SNX2: variants seen among roughly 807,000 people sequenced by gnomAD.
The protein encoded by SNX2 is sorting nexin 2.
In SNX2, 25 loss-of-function variants were observed where a neutral mutation model predicts 69.9. The observed-to-expected ratio is 0.36, with a 90% CI of 0.26 to 0.50. The LOEUF (loss-of-function observed/expected upper bound fraction) is 0.50, where lower values mean the gene tolerates loss of function less well. SNX2 is among the 20% of genes least tolerant of loss of function. The probability of loss-of-function intolerance (pLI) is 0.97; values close to 1 mark genes in which losing one functional copy is unlikely to be tolerated. For synonymous variants in SNX2, 229 were observed against 200.4 expected (o/e 1.14, Z -1.20); for missense variants, 551 against 613.3 (o/e 0.90, Z 1.07).
intron 7 of SNX2, among the ~76,000 whole-genome samples, chr5:122,810,399 T>TAAA (rs928838303): frequency 1.6e-5 from 2 of 122,430 alleles, no homozygotes; most frequent in African/African-American, 6.0e-5. Context: ...AATGATCAAT[T>TAAA]AAAAAAAAAA....
chr5:122,832,739 C>T lies in SNX2; in HGVS notation c.*3091C>T, dbSNP rs1344283193. ...GGAAAGTTATATTCCTTTACAAATG[C>T]TCTTAATTTTAATGTCTTAAGGGAA... On this transcript the variant is annotated 3_prime_UTR_variant, in exon 15 of 15. Coordinates refer to ENST00000379516, the MANE Select transcript of SNX2 (RefSeq NM_003100.4). 1 of 152,150 alleles carries T rather than the reference C, an allele frequency of 6.6e-6. No individual in the cohort carries two copies. Among genetic ancestry groups the T allele is most frequent in the Non-Finnish European group, 1.5e-5 (1 of 68,022 alleles). 9.4% of individuals were successfully genotyped at this position (152,150 alleles called of 1,614,324 possible).
At chr5:122,798,327 G>A (rs1753431778) in intron 2 of SNX2, among the ~76,000 whole-genome samples, 1 of 151,820 alleles carries the variant, frequency 6.6e-6, no homozygotes. Flanking sequence ...CCTTCCTCTG[G>A]TTACCACAGT....
chr5:122,783,417 C>G (rs545409605), intron 1 of SNX2, among the ~76,000 whole-genome samples: 51 of 152,242 alleles, frequency 3.3e-4, no homozygotes, highest in African/African-American at 1.2e-3. Flanking sequence ...CTTATAGTTT[C>G]TTCCAAAAGA....
Position 122,819,125 on chromosome 5 carries a change from A to G in SNX2, c.1212+102A>G. 10 of 852,678 alleles carry G rather than the reference A, an allele frequency of 1.2e-5. No homozygotes were observed. The South Asian group carries it at 1.8e-4, about 15-fold the overall frequency. 52.8% of individuals were successfully genotyped at this position (852,678 alleles called of 1,614,324 possible). A position where few individuals can be genotyped will look rare whatever the true frequency, so the allele number is the denominator to read the frequency against. On this transcript the variant is annotated intron_variant, in intron 11 of 14. Coordinates refer to ENST00000379516, the MANE Select transcript of SNX2 (RefSeq NM_003100.4). ...TACATGTCTAAATTCCTCCTATACT[A>G]GCATGAATAAAATGGCTTCAAGATA...
At chr5:122,810,689 G>C (rs1200824899) in intron 7 of SNX2, among the ~76,000 whole-genome samples, 2 of 152,114 alleles carry the variant, frequency 1.3e-5, no homozygotes, top group Non-Finnish European at 2.9e-5. Context: ...AGAGTTTTAA[G>C]GGATATTGAA....
At chr5:122,820,546 A>AT (rs1469398630) in intron 11 of SNX2, among the ~76,000 whole-genome samples, 1 of 151,984 alleles carries the variant, frequency 6.6e-6, no homozygotes, top group Non-Finnish European at 1.5e-5. Flanking sequence ...AAAAAAAAAA[A>AT]GAATACGTAT....
At chr5:122,775,643 G>A (rs1012680621) in intron 1 of SNX2, 56 of 987,898 alleles carry the variant, frequency 5.7e-5, no homozygotes, top group Non-Finnish European at 6.7e-5. Context: ...GCGCAATGAA[G>A]TGAGCGCTGA....
At chr5:122,789,747 A>G (rs576946353) in intron 1 of SNX2, among the ~76,000 whole-genome samples, 8 of 152,302 alleles carry the variant, frequency 5.3e-5, no homozygotes, top group African/African-American at 1.9e-4. Flanking sequence ...TCTCTATACC[A>G]TTGCACAGGT....
At chr5:122,781,859 TTAA>T (rs1174522728) in intron 1 of SNX2, among the ~76,000 whole-genome samples, 1 of 151,974 alleles carries the variant, frequency 6.6e-6, no homozygotes, top group East Asian at 1.9e-4. Flanking sequence ...AAAATTTTTA[TTAA>T]TGTTATAAAT....
At position 122,831,293 on chromosome 5, in the gene SNX2, T is replaced by C. The variant is rs2150020336; in HGVS notation, c.*1645T>C. 6.6e-6 allele frequency among the ~76,000 whole-genome samples: 1 copy of C among 152,226 alleles called. No homozygotes were observed. The highest frequency in any genetic ancestry group is 2.1e-4 in the South Asian group (1 of 4,828). On this transcript the variant is annotated 3_prime_UTR_variant, in exon 15 of 15. Coordinates refer to ENST00000379516, the MANE Select transcript of SNX2 (RefSeq NM_003100.4). ...TCCCACAGCCCAGAAGAGTGGCTGA[T>C]ACATAATAGGTTAATAATAAGGGCT...
intron 1 of SNX2, among the ~76,000 whole-genome samples, chr5:122,791,473 G>T (rs1425596749): frequency 1.3e-5 from 2 of 152,194 alleles, no homozygotes; most frequent in African/African-American, 4.8e-5. Flanking sequence ...GTAGAGACGG[G>T]GTTTCACCAC....
intron 1 of SNX2, among the ~76,000 whole-genome samples, chr5:122,781,354 CTTGT>C (rs1180663747): frequency 6.6e-6 from 1 of 152,102 alleles, no homozygotes; most frequent in African/African-American, 2.4e-5. Context: ...TTGTTAATGA[CTTGT>C]TTATTATTGA....
chr5:122,834,216 C>T lies in SNX2; in HGVS notation c.*4568C>T, dbSNP rs1754357910. The T allele has an allele frequency of 6.6e-6, 1 of 152,144 alleles. No individual in the cohort carries two copies. The highest frequency in any genetic ancestry group is 2.1e-4 in the South Asian group (1 of 4,828). The allele number at this position is 152,144 out of a possible 1,614,324, so 9.4% of individuals were successfully genotyped here. ...TTTCTTCCAACTGTTGCTTCAGACG[C>T]TGATAAGATTGTAGAAGATAGGGAA... On this transcript the variant is annotated 3_prime_UTR_variant, in exon 15 of 15. Coordinates refer to ENST00000379516, the MANE Select transcript of SNX2 (RefSeq NM_003100.4).
At chr5:122,799,047 A>G (rs116534909) in intron 2 of SNX2, among the ~76,000 whole-genome samples, 267 of 152,272 alleles carry the variant, frequency 1.8e-3, no homozygotes, top group Admixed American at 3.1e-3. Flanking sequence ...ACTTAGCACA[A>G]TGTTATGTAG....
chr5:122,795,186 C>T (rs1753349286), intron 1 of SNX2, 80 bp from the exon 2 acceptor site: 1 of 849,152 alleles, frequency 1.2e-6, no homozygotes, highest in Admixed American at 2.0e-5. Context: ...AGAGAATGTT[C>T]TATTTCTGTA....
At chr5:122,785,801 C>G (rs1489091367) in intron 1 of SNX2, among the ~76,000 whole-genome samples, 1 of 151,902 alleles carries the variant, frequency 6.6e-6, no homozygotes, top group African/African-American at 2.4e-5. Context: ...AGAACATGTT[C>G]TATTATGCTA....
chr5:122,806,142 G>GCGCGCGCGCGCGCACACACACACACACA, intron 6 of SNX2, among the ~76,000 whole-genome samples: 1 of 130,656 alleles, frequency 7.7e-6, no homozygotes, highest in African/African-American at 2.9e-5. Context: ...ACACGCGCGC[G>GCGCGCGCGCGCGCACACACACACACACA]CACACACACA....
At chr5:122,816,784 A>G (rs1040992704) in intron 8 of SNX2, 131 bp from the exon 9 acceptor site, 15 of 513,742 alleles carry the variant, frequency 2.9e-5, no homozygotes, top group Non-Finnish European at 4.9e-5. Context: ...ATGAGAGTGA[A>G]GAAAATACAA....
intron 1 of SNX2, among the ~76,000 whole-genome samples, chr5:122,786,244 T>TTTTTTAGG (rs1753084017): frequency 6.6e-6 from 1 of 152,160 alleles, no homozygotes; most frequent in Non-Finnish European, 1.5e-5. Flanking sequence ...AATTTGTCTT[T>TTTTTTAGG]CAAGCAGGTT....
Sources: allele counts gnomAD v4.1 joint callset (sites outside exome capture counted in the v4.1 genomes callset), GRCh38; gene constraint gnomAD v4.1.1; transcripts MANE v1.5; gene names NCBI Gene and HGNC (gene_info 2026-07-23, HGNC 2026-07-21).